Variants in VAV2 observed in about 807,000 individuals in gnomAD.
VAV2 encodes the protein guanine nucleotide exchange factor VAV2.
A neutral mutation model predicts 132.5 loss-of-function variants in VAV2; 67 were observed. The observed-to-expected ratio is 0.51, with a 90% CI of 0.42 to 0.62. The LOEUF is 0.62. VAV2 is among the 20% of genes least tolerant of loss of function. VAV2 has a pLI of 0.00. For missense variants in VAV2, 938 were observed against 1,153.6 expected (o/e 0.81, Z 2.71); for synonymous variants, 492 against 443.5 (o/e 1.11, Z -1.37).
At chr9:133,866,500 C>A (rs983357201) in intron 2 of VAV2, among the ~76,000 whole-genome samples, 4 of 152,044 alleles carry the variant, frequency 2.6e-5, no homozygotes, top group Non-Finnish European at 5.9e-5. Flanking sequence ...AACTGCGCTG[C>A]GATGATTTTA....
intron 4 of VAV2, among the ~76,000 whole-genome samples, chr9:133,825,010 G>A (rs767897164): frequency 3.2e-4 from 49 of 152,224 alleles, no homozygotes; most frequent in African/African-American, 1.0e-3. Context: ...GAGTCACACC[G>A]AGGAGCAAGA....
At chr9:133,835,448 C>T (rs1836433735) in intron 3 of VAV2, among the ~76,000 whole-genome samples, 1 of 152,006 alleles carries the variant, frequency 6.6e-6, no homozygotes, top group Non-Finnish European at 1.5e-5. Context: ...AGAGGCAGAT[C>T]AAACACCCAG....
chr9:133,960,835 G>A (rs1442151800), intron 1 of VAV2, among the ~76,000 whole-genome samples: 1 of 152,320 alleles, frequency 6.6e-6, no homozygotes, highest in African/African-American at 2.4e-5. Context: ...TAAAGCTCAG[G>A]GACCACCTAC....
chr9:133,911,972 G>A (rs1839901185), intron 2 of VAV2, among the ~76,000 whole-genome samples: 1 of 152,180 alleles, frequency 6.6e-6, no homozygotes, highest in Non-Finnish European at 1.5e-5. Flanking sequence ...CGTGCAGGAT[G>A]TGCAGGTGTG....
chr9:133,846,515 G>A (rs1173544808), intron 3 of VAV2, among the ~76,000 whole-genome samples: 1 of 152,180 alleles, frequency 6.6e-6, no homozygotes, highest in Non-Finnish European at 1.5e-5. Flanking sequence ...AACCCCCAGG[G>A]CTCCCCTCAC....
In VAV2 at chr9:133,768,884, C is replaced by T. The variant is rs1041359327; in HGVS notation, c.2435-288G>A. Among the ~76,000 whole-genome samples the T allele has an allele frequency of 2.0e-5, 3 of 152,132 alleles. No individual in the cohort carries two copies. Among genetic ancestry groups the T allele is most frequent in the Non-Finnish European group, 4.4e-5 (3 of 68,010 alleles). ...CTTTGACCATCATCATTCCAGTGGT[C>T]CCCCAAATCCAACCAGAAACCCAGT... On this transcript the variant is annotated intron_variant, in intron 28 of 29. Coordinates refer to ENST00000371850, the MANE Select transcript of VAV2 (RefSeq NM_001134398.2). The surrounding 1 kb of genome is among the most constrained non-coding windows in gnomAD (Gnocchi z 5.3).
chr9:133,830,040 T>C (rs1039631714), intron 4 of VAV2, among the ~76,000 whole-genome samples: 2 of 152,190 alleles, frequency 1.3e-5, no homozygotes, highest in Non-Finnish European at 2.9e-5. Flanking sequence ...TGTGAATGAA[T>C]GAAAGCACAC....
intron 2 of VAV2, among the ~76,000 whole-genome samples, chr9:133,888,020 C>T (rs981040943): frequency 6.6e-6 from 1 of 152,220 alleles, no homozygotes; most frequent in African/African-American, 2.4e-5. Context: ...GAAGGGTAGA[C>T]CCTGCCCAGG....
At chr9:133,792,469 GTGTGTGATTGT>G (rs1834526873) in intron 12 of VAV2, among the ~76,000 whole-genome samples, 1 of 150,532 alleles carries the variant, frequency 6.6e-6, no homozygotes, top group Non-Finnish European at 1.5e-5. Flanking sequence ...GTGTGATTGT[GTGTGTGATTGT>G]GTGAGCAGGT....
intron 1 of VAV2, among the ~76,000 whole-genome samples, chr9:133,958,307 A>G (rs910982090): frequency 7.0e-6 from 1 of 143,082 alleles, no homozygotes; most frequent in Non-Finnish European, 1.6e-5. Context: ...TCTCGGTATA[A>G]AACCGGATTG....
chr9:133,790,847 G>A (rs1834429062), intron 13 of VAV2, among the ~76,000 whole-genome samples: 1 of 152,128 alleles, frequency 6.6e-6, no homozygotes, highest in South Asian at 2.1e-4. Context: ...TGGCCATCGG[G>A]GACCTTCCCC....
intron 1 of VAV2, among the ~76,000 whole-genome samples, chr9:133,943,992 GCGGC>G (rs1841269923): frequency 6.6e-6 from 1 of 152,174 alleles, no homozygotes; most frequent in Non-Finnish European, 1.5e-5. Flanking sequence ...GACAGGAGAG[GCGGC>G]GCAGGGCCGG....
chr9:133,799,022 AGG>A (rs1834830047), intron 9 of VAV2, among the ~76,000 whole-genome samples: 1 of 152,236 alleles, frequency 6.6e-6, no homozygotes, highest in African/African-American at 2.4e-5. Context: ...GCTTTGCCGT[AGG>A]GCACCCGGCC....
In VAV2 at chr9:133,769,388, TC is replaced by T; in HGVS notation, c.2434+28del. The T allele has an allele frequency of 1.9e-6, 3 of 1,591,080 alleles. No homozygotes were observed. Among genetic ancestry groups the T allele is most frequent in the Non-Finnish European group, 2.6e-6 (3 of 1,169,166 alleles). ...CCCAAGGCAGCTGCCACAGGCCCGGTCCCCCCACGCCCTGGGGAGCAGCGGT... is the reference window on the plus strand; with the variant it reads ...CCCAAGGCAGCTGCCACAGGCCCGGTCCCCCACGCCCTGGGGAGCAGCGGT... On this transcript the variant is annotated intron_variant, in intron 28 of 29. Transcript: ENST00000371850. The surrounding 1 kb of genome is among the most constrained non-coding windows in gnomAD (Gnocchi z 8.1).
At chr9:133,987,129 T>G (rs947738491) in intron 1 of VAV2, among the ~76,000 whole-genome samples, 3 of 152,228 alleles carry the variant, frequency 2.0e-5, no homozygotes, top group African/African-American at 7.2e-5. Flanking sequence ...TTGGAGGGGC[T>G]CAGACCTGGA....
intron 3 of VAV2, among the ~76,000 whole-genome samples, chr9:133,856,301 T>C (rs1296014333): frequency 6.6e-6 from 1 of 152,324 alleles, no homozygotes; most frequent in African/African-American, 2.4e-5. Flanking sequence ...TATTTCAATT[T>C]TTACAAGTCA....
At chr9:133,848,788 C>T (rs1837053212) in intron 3 of VAV2, among the ~76,000 whole-genome samples, 3 of 152,348 alleles carry the variant, frequency 2.0e-5, no homozygotes, top group East Asian at 1.9e-4. Context: ...CCCTGAACTC[C>T]TGGCAGCCCA....
Position 133,898,969 on chromosome 9 carries a change from C to T in VAV2, c.322-37537G>A, listed in dbSNP as rs988126960. Among the ~76,000 whole-genome samples the T allele has an allele frequency of 2.3e-4, 35 of 151,912 alleles. 1 individual carries two copies. Among genetic ancestry groups the T allele is most frequent in the Non-Finnish European group, 4.7e-4 (32 of 67,970 alleles). Reference sequence around the variant, plus strand: ...CCCCAATAGCTGGGACTACAGGCACCCGCCACCACGCCCGGCTAATTTTTT... The same window carrying T: ...CCCCAATAGCTGGGACTACAGGCACTCGCCACCACGCCCGGCTAATTTTTT... On this transcript the variant is annotated intron_variant, in intron 2 of 29. Transcript: ENST00000371850.
intron 4 of VAV2, among the ~76,000 whole-genome samples, chr9:133,816,860 A>G (rs904138396): frequency 4.6e-5 from 7 of 152,248 alleles, no homozygotes; most frequent in Non-Finnish European, 1.5e-5. Context: ...CTATTTGTCT[A>G]TCTTTACACT....
Sources: allele counts gnomAD v4.1 joint callset (sites outside exome capture counted in the v4.1 genomes callset), GRCh38; gene constraint gnomAD v4.1.1; non-coding constraint Gnocchi (gnomAD v3.1); transcripts MANE v1.5; gene names NCBI Gene and HGNC (gene_info 2026-07-23, HGNC 2026-07-21).